NELL1: variants seen among roughly 807,000 people sequenced by gnomAD.
The protein encoded by NELL1 is protein kinase C-binding protein NELL1.
NELL1 carries 76 observed loss-of-function variants against 107.4 expected under a neutral mutation model. That is an observed-to-expected ratio of 0.71 (90% CI 0.59 to 0.86). The LOEUF (loss-of-function observed/expected upper bound fraction) is 0.86. Ranked by LOEUF, NELL1 falls within the 40% of genes least tolerant of loss-of-function variation. The pLI, the probability that NELL1 is intolerant of heterozygous loss-of-function variation, is 0.00. For synonymous variants in NELL1, 353 were observed against 341.2 expected (o/e 1.03, Z -0.38); for missense variants, 1,024 against 1,005.5 (o/e 1.02, Z -0.25).
At chr11:21,135,919 G>A (rs902854299) in intron 13 of NELL1, among the ~76,000 whole-genome samples, 4 of 152,092 alleles carry the variant, frequency 2.6e-5, no homozygotes, top group Admixed American at 1.3e-4. Flanking sequence ...AACTGTTTCT[G>A]TATTCTAGCA....
chr11:20,966,897 A>G (rs1007207232), intron 12 of NELL1, among the ~76,000 whole-genome samples: 1 of 152,024 alleles, frequency 6.6e-6, no homozygotes, highest in Non-Finnish European at 1.5e-5. Context: ...ACAAAGAAAA[A>G]TAAAGTTCAA....
chr11:21,290,833 G>A (rs767980323), intron 14 of NELL1, among the ~76,000 whole-genome samples: 23 of 152,084 alleles, frequency 1.5e-4, no homozygotes, highest in Non-Finnish European at 3.1e-4. Context: ...AACCCCATCC[G>A]AAGATCACCA....
chr11:21,149,349 A>C (rs543709585), intron 13 of NELL1, among the ~76,000 whole-genome samples: 46 of 152,372 alleles, frequency 3.0e-4, no homozygotes, highest in Middle Eastern at 3.4e-3. Context: ...TTATAAAGGA[A>C]AGATGTTTAA....
At chr11:21,207,794 C>T (rs1857420505) in intron 13 of NELL1, among the ~76,000 whole-genome samples, 2 of 152,160 alleles carry the variant, frequency 1.3e-5, no homozygotes, top group Non-Finnish European at 2.9e-5. Flanking sequence ...CAAACCTCTC[C>T]TAAGTGACAG....
intron 15 of NELL1, among the ~76,000 whole-genome samples, chr11:21,507,017 C>T (rs906236221): frequency 3.3e-5 from 5 of 151,358 alleles, no homozygotes; most frequent in African/African-American, 1.2e-4. Context: ...TTAATCATCA[C>T]ACTATCCATG....
intron 12 of NELL1, among the ~76,000 whole-genome samples, chr11:21,000,150 T>C (rs565432703): frequency 6.6e-6 from 1 of 152,288 alleles, no homozygotes; most frequent in Admixed American, 6.5e-5. Flanking sequence ...TTAGCTGACA[T>C]TCTTAGCTAT....
intron 14 of NELL1, among the ~76,000 whole-genome samples, chr11:21,295,554 G>A (rs1243301460): frequency 6.6e-6 from 1 of 151,994 alleles, no homozygotes; most frequent in East Asian, 1.9e-4. Context: ...AGTAAGAAGA[G>A]GATTTGTAAG....
At chr11:21,283,518 A>G (rs1011467593) in intron 14 of NELL1, 3 of 152,444 alleles carry the variant, frequency 2.0e-5, no homozygotes, top group Non-Finnish European at 2.9e-5. Flanking sequence ...CATGTGATAC[A>G]GAGTTTCACA....
At chr11:21,319,669 G>A (rs1360708138) in intron 14 of NELL1, among the ~76,000 whole-genome samples, 1 of 151,706 alleles carries the variant, frequency 6.6e-6, no homozygotes, top group African/African-American at 2.4e-5. Flanking sequence ...AAACTCTTGG[G>A]CTAGGTGCGG....
At chr11:20,915,717 A>ATATATATATATAT in intron 5 of NELL1, among the ~76,000 whole-genome samples, 5 of 58,218 alleles carry the variant, frequency 8.6e-5, no homozygotes, top group African/African-American at 4.4e-4. Context: ...ATATATATAT[A>ATATATATATATAT]TTTTTTTTTT....
At chr11:21,103,786 T>G (rs1190575975) in intron 12 of NELL1, among the ~76,000 whole-genome samples, 1 of 152,214 alleles carries the variant, frequency 6.6e-6, no homozygotes, top group Non-Finnish European at 1.5e-5. Flanking sequence ...GCATCTTTCT[T>G]GCATTTTCAA....
At chr11:20,876,912 T>C (rs1475116139) in intron 4 of NELL1, among the ~76,000 whole-genome samples, 2 of 152,202 alleles carry the variant, frequency 1.3e-5, no homozygotes, top group Non-Finnish European at 1.5e-5. Flanking sequence ...GAATATTTGT[T>C]GGTGTCAGAA....
intron 10 of NELL1, among the ~76,000 whole-genome samples, chr11:20,944,296 A>G (rs1328414390): frequency 6.6e-6 from 1 of 152,158 alleles, no homozygotes; most frequent in East Asian, 1.9e-4. Context: ...CTTGTTTCAA[A>G]TATTTTCACC....
chr11:20,688,057 T>G (rs1474478983), intron 2 of NELL1, among the ~76,000 whole-genome samples: 2 of 152,086 alleles, frequency 1.3e-5, no homozygotes, highest in African/African-American at 4.8e-5. Context: ...TTAATAAGTA[T>G]GCAATTTAAA....
chr11:20,979,684 C>T (rs923853192), intron 12 of NELL1, among the ~76,000 whole-genome samples: 1 of 152,116 alleles, frequency 6.6e-6, no homozygotes, highest in Non-Finnish European at 1.5e-5. Context: ...ATTCTTGAAT[C>T]CTCTTTCTGC....
intron 12 of NELL1, among the ~76,000 whole-genome samples, chr11:21,013,664 C>G (rs1852500987): frequency 2.0e-5 from 3 of 152,084 alleles, no homozygotes. Context: ...AGCTTGCAGT[C>G]TTCCTTACTA....
At chr11:21,057,256 A>G (rs543162194) in intron 12 of NELL1, among the ~76,000 whole-genome samples, 2 of 152,262 alleles carry the variant, frequency 1.3e-5, no homozygotes, top group South Asian at 4.1e-4. Flanking sequence ...ATATATGCAA[A>G]CTAAAATGAT....
At chr11:21,042,692 A>G (rs1853265233) in intron 12 of NELL1, among the ~76,000 whole-genome samples, 1 of 152,104 alleles carries the variant, frequency 6.6e-6, no homozygotes, top group Non-Finnish European at 1.5e-5. Flanking sequence ...GGTGAGAGCC[A>G]GTACTTTGCC....
At chr11:21,232,916 C>T (rs531749346) in intron 14 of NELL1, among the ~76,000 whole-genome samples, 10 of 152,266 alleles carry the variant, frequency 6.6e-5, no homozygotes, top group East Asian at 1.9e-4. Context: ...GCCTCCCAAA[C>T]GGCTGGGATT....
Sources: gnomAD v4.1 joint callset for allele counts (sites outside exome capture counted in the v4.1 genomes callset) on GRCh38, gnomAD v4.1.1 for gene constraint, MANE v1.5 for transcripts, NCBI Gene and HGNC (gene_info 2026-07-23, HGNC 2026-07-21) for gene names.